RBM34: variants seen among roughly 807,000 people sequenced by gnomAD.
RBM34 encodes the protein RNA-binding protein 34.
RBM34 carries 39 observed loss-of-function variants against 44.6 expected under a neutral mutation model. That is an observed-to-expected ratio of 0.87 (90% CI 0.68 to 1.14). The LOEUF is 1.14. Ranked by LOEUF, RBM34 falls within the 50% of genes most tolerant of loss-of-function variation. The pLI is 0.00. For synonymous variants in RBM34, 194 were observed against 184.0 expected (o/e 1.05, Z -0.44); for missense variants, 572 against 517.9 (o/e 1.10, Z -1.01).
rs566610524 is a variant in RBM34, at chr1:235,148,680, G to A, written c.658-233C>T. ...GTGGCATGATGTCGGCTCATTGCAA[G>A]CTCCACCTGCTGGGTTCACAACATT... On this transcript the variant is annotated intron_variant, in intron 5 of 10. Coordinates refer to ENST00000408888, the MANE Select transcript of RBM34 (RefSeq NM_015014.4). Among the ~76,000 whole-genome samples the A allele has an allele frequency of 3.4e-4, 51 of 151,400 alleles. 1 individual carries two copies. In the South Asian group the frequency reaches 8.3e-3, roughly 25 times the overall value.
intron 8 of RBM34, among the ~76,000 whole-genome samples, chr1:235,136,658 A>C (rs889031644): frequency 1.1e-4 from 16 of 152,194 alleles, no homozygotes; most frequent in African/African-American, 3.9e-4. Flanking sequence ...CTGTGGGTGA[A>C]CTGTTATAAC....
At chr1:235,146,356 G>A (rs914817024) in intron 6 of RBM34, among the ~76,000 whole-genome samples, 1 of 151,996 alleles carries the variant, frequency 6.6e-6, no homozygotes, top group African/African-American at 2.4e-5. Flanking sequence ...AAGAAAAAGG[G>A]CATTTTTAAA....
intron 10 of RBM34, among the ~76,000 whole-genome samples, chr1:235,132,291 A>G (rs962265845): frequency 6.6e-6 from 1 of 151,842 alleles, no homozygotes; most frequent in African/African-American, 2.4e-5. Flanking sequence ...TAGATTAGTC[A>G]TATGCAATAT....
At position 235,131,307 on chromosome 1, in the gene RBM34, G is replaced by A; in HGVS notation, c.*406C>T. Reference sequence around the variant, plus strand: ...GGATCACCTGAGGTCAGGAGTTCGAGACCAGCCTGGCCAACATGGTGAAAC... The same window carrying A: ...GGATCACCTGAGGTCAGGAGTTCGAAACCAGCCTGGCCAACATGGTGAAAC... On this transcript the variant is annotated 3_prime_UTR_variant, in exon 11 of 11. Coordinates refer to ENST00000408888, the MANE Select transcript of RBM34 (RefSeq NM_015014.4). The A allele has an allele frequency of 6.3e-6, 1 of 159,366 alleles. No homozygotes were observed. The highest frequency in any genetic ancestry group is 1.4e-5 in the Non-Finnish European group (1 of 72,334). The allele number at this position is 159,366 out of a possible 1,614,324, so 9.9% of individuals were successfully genotyped here.
At chr1:235,143,103 C>T (rs1429605279) in intron 6 of RBM34, among the ~76,000 whole-genome samples, 6 of 152,074 alleles carry the variant, frequency 3.9e-5, no homozygotes, top group Admixed American at 2.0e-4. Context: ...TTTGTACCAA[C>T]ATTTCACCAA....
chr1:235,150,803 C>T (rs1391186208), intron 5 of RBM34, among the ~76,000 whole-genome samples: 1 of 152,118 alleles, frequency 6.6e-6, no homozygotes, highest in Non-Finnish European at 1.5e-5. Flanking sequence ...GTACTAAGTA[C>T]TGTAATGAGG....
At position 235,161,078 on chromosome 1, in the gene RBM34, A is replaced by G. The variant is rs1370505596; in HGVS notation, c.54-11T>C. On this transcript the variant is annotated splice_polypyrimidine_tract_variant and intron_variant, in intron 1 of 10. Transcript: ENST00000408888. ...TCGTCAGGATTCTCTCTAGAAATGG[A>G]CGACAGAAACTCAGCCACGCCACGC... is the stretch of plus-strand genomic sequence containing the variant. 2.5e-6 allele frequency: 4 copies of G among 1,609,852 alleles called. No homozygotes were observed. Among genetic ancestry groups the G allele is most frequent in the Non-Finnish European group, 3.4e-6 (4 of 1,176,496 alleles).
At chr1:235,155,204 A>G (rs1662346224) in intron 3 of RBM34, 92 bp from the exon 4 acceptor site, 5 of 983,780 alleles carry the variant, frequency 5.1e-6, no homozygotes, top group Non-Finnish European at 7.6e-6. Context: ...CCGACTAGAA[A>G]TATTTCCCAA....
intron 5 of RBM34, among the ~76,000 whole-genome samples, chr1:235,151,070 G>A (rs1223337916): frequency 6.6e-6 from 1 of 152,184 alleles, no homozygotes; most frequent in South Asian, 2.1e-4. Flanking sequence ...TGAAGGTAAG[G>A]AACTACAATA....
At chr1:235,139,349 G>T (rs1487524651) in intron 6 of RBM34, among the ~76,000 whole-genome samples, 1 of 152,172 alleles carries the variant, frequency 6.6e-6, no homozygotes, top group Non-Finnish European at 1.5e-5. Context: ...GTGATTTACT[G>T]AATGCCTAAT....
Position 235,131,558 on chromosome 1 carries a change from G to T in RBM34, c.*155C>A. The T allele has an allele frequency of 1.2e-6, 1 of 861,244 alleles. No homozygotes were observed. The highest frequency in any genetic ancestry group is 2.6e-5 in the East Asian group (1 of 38,348). The allele number at this position is 861,244 out of a possible 1,614,324, so 53.4% of individuals were successfully genotyped here. On this transcript the variant is annotated 3_prime_UTR_variant, in exon 11 of 11. Transcript: ENST00000408888. The stretch of plus-strand genomic sequence containing the variant: ...ACCTTCAAAGGTAGTATCACAATGT[G>T]AATAAACTGAGAATGTGGAAGTCTC...
At chr1:235,154,808 T>C (rs1257546689) in intron 4 of RBM34, 73 bp downstream of exon 4, 3 of 1,154,492 alleles carry the variant, frequency 2.6e-6, no homozygotes, top group Admixed American at 3.7e-5. Flanking sequence ...CATGACTTAC[T>C]ATTGAATGCT....
intron 10 of RBM34, among the ~76,000 whole-genome samples, chr1:235,132,989 C>G (rs1031944180): frequency 6.6e-6 from 1 of 152,160 alleles, no homozygotes; most frequent in Admixed American, 6.6e-5. Context: ...ACATCTTAAC[C>G]TAGTATATCC....
intron 7 of RBM34, 30 bp downstream of exon 7, chr1:235,138,061 A>T: frequency 6.3e-7 from 1 of 1,576,790 alleles, no homozygotes; most frequent in Non-Finnish European, 8.7e-7. Context: ...TAGGACAATT[A>T]TTCTGTTCAA....
At chr1:235,141,603 T>C (rs531776691) in intron 6 of RBM34, among the ~76,000 whole-genome samples, 1 of 152,258 alleles carries the variant, frequency 6.6e-6, no homozygotes, top group South Asian at 2.1e-4. Flanking sequence ...GTGGAAGCTT[T>C]GTCCTTTCAC....
At chr1:235,143,447 T>C (rs1421752617) in intron 6 of RBM34, among the ~76,000 whole-genome samples, 3 of 152,212 alleles carry the variant, frequency 2.0e-5, no homozygotes, top group Admixed American at 2.0e-4. Context: ...CATAAACTGG[T>C]GAATGGGGCC....
intron 2 of RBM34, 47 bp downstream of exon 2, chr1:235,160,846 G>T: frequency 3.7e-6 from 6 of 1,601,754 alleles, no homozygotes; most frequent in Non-Finnish European, 5.1e-6. Flanking sequence ...TGCTTTGTAT[G>T]TAAGTGGTTC....
intron 5 of RBM34, among the ~76,000 whole-genome samples, chr1:235,152,296 T>C (rs772922378): frequency 6.6e-6 from 1 of 152,206 alleles, no homozygotes; most frequent in Non-Finnish European, 1.5e-5. Context: ...ATTCTTTATC[T>C]GTCTGTGCTC....
intron 6 of RBM34, among the ~76,000 whole-genome samples, chr1:235,144,299 C>T (rs1558142184): frequency 6.6e-6 from 1 of 151,802 alleles, no homozygotes; most frequent in African/African-American, 2.4e-5. Context: ...CAAACTAACA[C>T]ATAGAGACAG....
Sources: gnomAD v4.1 joint callset for allele counts (sites outside exome capture counted in the v4.1 genomes callset) on GRCh38, gnomAD v4.1.1 for gene constraint, MANE v1.5 for transcripts, NCBI Gene and HGNC (gene_info 2026-07-23, HGNC 2026-07-21) for gene names.